MLLT10: variants seen among roughly 807,000 people sequenced by gnomAD.
The protein encoded by MLLT10 is protein AF-10.
In MLLT10, 30 loss-of-function variants were observed where a neutral mutation model predicts 129.1. The observed-to-expected ratio is 0.23, with a 90% CI of 0.17 to 0.32. MLLT10 has a LOEUF of 0.32. Ranked by LOEUF, MLLT10 falls within the 10% of genes least tolerant of loss-of-function variation. The pLI is 1.00. For synonymous variants in MLLT10, 490 were observed against 446.4 expected (o/e 1.10, Z -1.23); for missense variants, 1,119 against 1,268.3 (o/e 0.88, Z 1.79).
chr10:21,714,604 C>G (rs999181890), intron 14 of MLLT10, among the ~76,000 whole-genome samples: 31 of 152,272 alleles, frequency 2.0e-4, no homozygotes, highest in African/African-American at 7.2e-4. Flanking sequence ...GTGATCTCAG[C>G]TCACTGCACC....
chr10:21,672,168 AGTGTGT>A (rs55769872), intron 10 of MLLT10, among the ~76,000 whole-genome samples: 132 of 134,364 alleles, frequency 9.8e-4, no homozygotes, highest in Middle Eastern at 3.8e-3. Context: ...CCAGGTTTTC[AGTGTGT>A]GTGTGTGTGT....
chr10:21,727,972 T>C (rs1191139940), intron 16 of MLLT10, 44 bp downstream of exon 16: 3 of 1,557,884 alleles, frequency 1.9e-6, no homozygotes, highest in Non-Finnish European at 2.6e-6. Flanking sequence ...AGGAAACGTT[T>C]GAGATTTGGA....
At chr10:21,594,791 G>T (rs937889437) in intron 4 of MLLT10, among the ~76,000 whole-genome samples, 3 of 149,872 alleles carry the variant, frequency 2.0e-5, no homozygotes, top group African/African-American at 2.5e-5. Context: ...CCGAGATCGC[G>T]CCATTGCACT....
intron 11 of MLLT10, 106 bp downstream of exon 11, chr10:21,674,025 A>G: frequency 3.7e-6 from 3 of 815,310 alleles, no homozygotes; most frequent in Non-Finnish European, 5.3e-6. Context: ...AAATTAATAA[A>G]TGACATTTAA....
intron 3 of MLLT10, among the ~76,000 whole-genome samples, chr10:21,554,280 A>G (rs1028386128): frequency 6.6e-6 from 1 of 151,698 alleles, no homozygotes; most frequent in South Asian, 2.1e-4. Flanking sequence ...TTTTTACTCT[A>G]TTTTCTGAGG....
chr10:21,690,738 A>G (rs1441525042), intron 13 of MLLT10, among the ~76,000 whole-genome samples: 1 of 151,998 alleles, frequency 6.6e-6, no homozygotes, highest in Non-Finnish European at 1.5e-5. Context: ...TAAATCACCA[A>G]GTGCTGCCTT....
intron 13 of MLLT10, chr10:21,708,572 G>GT (rs368073882): frequency 2.1e-3 from 1,853 of 871,028 alleles, no homozygotes; most frequent in East Asian, 7.4e-3. Flanking sequence ...TTGTGTGTGT[G>GT]TTTTTTTTTT....
At chr10:21,654,169 G>A (rs1216930833) in intron 9 of MLLT10, among the ~76,000 whole-genome samples, 2 of 152,196 alleles carry the variant, frequency 1.3e-5, no homozygotes, top group African/African-American at 4.8e-5. Context: ...AGCCTGATTG[G>A]AGTGCTTTAT....
intron 8 of MLLT10, among the ~76,000 whole-genome samples, chr10:21,635,901 C>T (rs534636577): frequency 6.8e-6 from 1 of 147,318 alleles, no homozygotes; most frequent in East Asian, 2.0e-4. Flanking sequence ...ACTGGGATTA[C>T]AAGCGTGAGC....
At chr10:21,574,947 A>G (rs1449224188) in intron 3 of MLLT10, among the ~76,000 whole-genome samples, 1 of 152,064 alleles carries the variant, frequency 6.6e-6, no homozygotes, top group Non-Finnish European at 1.5e-5. Flanking sequence ...GTGACTTAGA[A>G]TGCATAACTT....
intron 8 of MLLT10, among the ~76,000 whole-genome samples, chr10:21,624,047 G>A (rs2046175837): frequency 6.6e-6 from 1 of 152,034 alleles, no homozygotes; most frequent in Non-Finnish European, 1.5e-5. Flanking sequence ...ATTTTGTAGG[G>A]CAGATTTCAA....
intron 3 of MLLT10, among the ~76,000 whole-genome samples, chr10:21,575,737 TACC>T (rs1307299789): frequency 6.6e-6 from 1 of 152,184 alleles, no homozygotes; most frequent in Non-Finnish European, 1.5e-5. Context: ...TAAAATATCT[TACC>T]ACGTTTGGGG....
At chr10:21,617,637 ATTAATT>A (rs1427390491) in intron 8 of MLLT10, among the ~76,000 whole-genome samples, 1 of 151,984 alleles carries the variant, frequency 6.6e-6, no homozygotes, top group Non-Finnish European at 1.5e-5. Context: ...CTACTGGTTT[ATTAATT>A]TTTTCTAGTG....
intron 11 of MLLT10, 26 bp from the exon 12 acceptor site, chr10:21,681,306 A>C: frequency 6.2e-7 from 1 of 1,611,126 alleles, no homozygotes; most frequent in Non-Finnish European, 8.5e-7. Flanking sequence ...TTCTTCACTG[A>C]TTTCCTTTTT....
intron 7 of MLLT10, among the ~76,000 whole-genome samples, chr10:21,616,757 ATTC>A (rs1382982384): frequency 6.6e-6 from 1 of 151,976 alleles, no homozygotes; most frequent in Non-Finnish European, 1.5e-5. Context: ...TTACCTTTCT[ATTC>A]TTCTAGTCTT....
At chr10:21,728,530 C>T (rs1394793570) in intron 16 of MLLT10, among the ~76,000 whole-genome samples, 1 of 152,092 alleles carries the variant, frequency 6.6e-6, no homozygotes. Flanking sequence ...GATACTGTGT[C>T]TGCTTGTAGG....
intron 4 of MLLT10, among the ~76,000 whole-genome samples, chr10:21,590,915 C>T (rs2042430862): frequency 6.6e-6 from 1 of 152,014 alleles, no homozygotes; most frequent in African/African-American, 2.4e-5. Context: ...TTACATTTTC[C>T]TCTTGTTTTC....
At chr10:21,541,371 A>C (rs1156795215) in intron 3 of MLLT10, 7 of 151,592 alleles carry the variant, frequency 4.6e-5, no homozygotes, top group Admixed American at 6.6e-5. Flanking sequence ...GGCCTGTAGC[A>C]CTTAACACCC....
At chr10:21,729,470 T>C (rs1312175003) in intron 16 of MLLT10, among the ~76,000 whole-genome samples, 1 of 152,204 alleles carries the variant, frequency 6.6e-6, no homozygotes, top group African/African-American at 2.4e-5. Context: ...TAGTGTACTA[T>C]TTGCAGAGGG....
Sources: allele counts gnomAD v4.1 joint callset (sites outside exome capture counted in the v4.1 genomes callset), GRCh38; gene constraint gnomAD v4.1.1; transcripts MANE v1.5; gene names NCBI Gene and HGNC (gene_info 2026-07-23, HGNC 2026-07-21).